Variants in ITCH observed in about 807,000 individuals in gnomAD.
ITCH encodes the protein E3 ubiquitin-protein ligase Itchy homolog.
ITCH carries 28 observed loss-of-function variants against 126.8 expected under a neutral mutation model. The ratio of observed to expected loss-of-function variants is 0.22; its 90% CI spans 0.16 to 0.30. The LOEUF (loss-of-function observed/expected upper bound fraction) is 0.30, where lower values mean the gene tolerates loss of function less well. Among genes scored for constraint, ITCH ranks in the 10% least tolerant of loss-of-function variants. The pLI, the probability that ITCH is intolerant of heterozygous loss-of-function variation, is 1.00. For missense variants in ITCH, 631 were observed against 1,032.4 expected, an observed-to-expected ratio of 0.61 and a Z score of 5.33; for synonymous variants, 342 against 340.0, an observed-to-expected ratio of 1.01 and a Z score of -0.06.
intron 6 of ITCH, among the ~76,000 whole-genome samples, chr20:34,420,482 T>C (rs913626564): frequency 3.3e-5 from 5 of 152,256 alleles, no homozygotes; most frequent in African/African-American, 1.2e-4. Context: ...CATTCATTCA[T>C]TGATAGACAT....
intron 3 of ITCH, among the ~76,000 whole-genome samples, chr20:34,403,405 A>T (rs927153880): frequency 1.4e-4 from 22 of 151,950 alleles, no homozygotes; most frequent in African/African-American, 3.1e-4. Flanking sequence ...GGTATGTGTG[A>T]GAGAGAGAGA....
intron 2 of ITCH, among the ~76,000 whole-genome samples, chr20:34,386,803 A>G (rs1355751802): frequency 1.3e-5 from 2 of 152,214 alleles, no homozygotes; most frequent in African/African-American, 4.8e-5. Context: ...AAATAAGGCT[A>G]TAAATGTTTG....
At chr20:34,472,613 G>A (rs1416645602) in intron 16 of ITCH, among the ~76,000 whole-genome samples, 2 of 152,208 alleles carry the variant, frequency 1.3e-5, no homozygotes, top group Non-Finnish European at 2.9e-5. Flanking sequence ...GCTTCAAGAA[G>A]TACGGAATTG....
At chr20:34,385,604 G>A (rs1357497625) in intron 2 of ITCH, among the ~76,000 whole-genome samples, 1 of 152,094 alleles carries the variant, frequency 6.6e-6, no homozygotes, top group Non-Finnish European at 1.5e-5. Context: ...TCACCTTCTG[G>A]AATATTAGGT....
chr20:34,415,377 AAC>A (rs1486813883), intron 6 of ITCH, among the ~76,000 whole-genome samples: 11 of 151,454 alleles, frequency 7.3e-5, no homozygotes, highest in Admixed American at 3.3e-4. Flanking sequence ...TAGGCAACAT[AAC>A]AAAACCCCAT....
chr20:34,474,515 G>T (rs1376515324), intron 16 of ITCH, among the ~76,000 whole-genome samples: 3 of 152,214 alleles, frequency 2.0e-5, no homozygotes, highest in East Asian at 1.9e-4. Context: ...CAAGGCAGAA[G>T]AATTATTCTT....
intron 3 of ITCH, among the ~76,000 whole-genome samples, chr20:34,395,810 G>GT (rs2038654509): frequency 6.6e-6 from 1 of 151,964 alleles, no homozygotes; most frequent in African/African-American, 2.4e-5. Flanking sequence ...ATATTTTATT[G>GT]TATGAGTATA....
chr20:34,469,501 G>T (rs1254439147), intron 14 of ITCH, among the ~76,000 whole-genome samples: 1 of 151,940 alleles, frequency 6.6e-6, no homozygotes, highest in African/African-American at 2.4e-5. Flanking sequence ...TGTTGGTCAG[G>T]CTGGTCTCAA....
At chr20:34,408,619 C>A in intron 3 of ITCH, 32 bp from the exon 4 acceptor site, 2 of 1,560,672 alleles carry the variant, frequency 1.3e-6, no homozygotes, top group South Asian at 1.1e-5. Context: ...AACATCTCAA[C>A]TATTGAAATG....
intron 6 of ITCH, among the ~76,000 whole-genome samples, chr20:34,421,246 C>T (rs553218357): frequency 6.6e-6 from 1 of 152,282 alleles, no homozygotes; most frequent in Admixed American, 6.5e-5. Context: ...TTTTGAGTAG[C>T]TGGGACTTCA....
intron 23 of ITCH, among the ~76,000 whole-genome samples, chr20:34,497,701 C>T (rs1001339370): frequency 6.6e-6 from 1 of 152,232 alleles, no homozygotes; most frequent in Non-Finnish European, 1.5e-5. Context: ...GCCTCAGCCT[C>T]CCAAGTAGCT....
At position 34,480,592 on chromosome 20, in the gene ITCH, T is replaced by C. The variant is rs556683677; in HGVS notation, c.1819-7T>C. ...ATTTTAAGCGGTCTTGTTTCCTTTT[T>C]TCATAGGCTCTGTTCCATGGGAAAT... On this transcript the variant is annotated splice_polypyrimidine_tract_variant and splice_region_variant and intron_variant, in intron 18 of 24. Coordinates refer to ENST00000374864, the MANE Select transcript of ITCH (RefSeq NM_031483.7). The C allele has an allele frequency of 1.9e-5, 31 of 1,613,710 alleles. No individual in the cohort carries two copies. The African/African-American group carries it at 4.0e-4, about 21-fold the overall frequency.
At chr20:34,476,383 C>T (rs1326997940) in intron 16 of ITCH, 75 of 1,279,176 alleles carry the variant, frequency 5.9e-5, no homozygotes, top group Non-Finnish European at 7.0e-5. Flanking sequence ...GGCTCCAGCG[C>T]GGGACCCGGC....
At chr20:34,482,668 T>C (rs1353532021) in intron 20 of ITCH, among the ~76,000 whole-genome samples, 2 of 152,036 alleles carry the variant, frequency 1.3e-5, no homozygotes, top group Admixed American at 6.5e-5. Flanking sequence ...TGGCGTTGAG[T>C]GTCTATGGCT....
Position 34,403,493 on chromosome 20 carries a change from CT to C in ITCH, c.71-5154del, listed in dbSNP as rs1009220567. Among the ~76,000 whole-genome samples, 40 of 152,232 alleles carry C rather than the reference CT, an allele frequency of 2.6e-4. No individual in the cohort carries two copies. In the Middle Eastern group the frequency reaches 0.014, roughly 52 times the overall value. ...AGACAGAGACTAGAAAGCAGGGAAA[CT>C]TTTGTTTTCTACCATGACTAATAAC... is the stretch of plus-strand genomic sequence containing the variant. On this transcript the variant is annotated intron_variant, in intron 3 of 24. Coordinates refer to ENST00000374864, the MANE Select transcript of ITCH (RefSeq NM_031483.7).
rs766038122 is a variant in ITCH, at chr20:34,479,715, C to T, written c.1744C>T (p.Gln582Ter). Residue 582 changes from glutamine to a stop codon, truncating the protein, a stop_gained, in exon 18 of 25, where the codon CAG (glutamine) becomes TAG (stop). Transcript: ENST00000374864. LOFTEE classifies it high-confidence loss of function. ...TGCAGGGAAGGATAACTACTGCTTG[C>T]AGATAAACCCCGCTTCTTACATCAA... ...EYAGKDNYCL[Q>*]INPASYINPD... is the part of the protein sequence containing the mutation. 6.2e-7 allele frequency: 1 copy of T among 1,613,854 alleles called. No homozygotes were observed. The highest frequency in any genetic ancestry group is 1.1e-5 in the South Asian group (1 of 91,084).
intron 3 of ITCH, among the ~76,000 whole-genome samples, chr20:34,406,811 G>A (rs1168266044): frequency 6.6e-6 from 1 of 152,194 alleles, no homozygotes; most frequent in Non-Finnish European, 1.5e-5. Context: ...TGGGATTACA[G>A]GCGTGAGCCA....
At chr20:34,417,967 C>CTT (rs796201494) in intron 6 of ITCH, among the ~76,000 whole-genome samples, 5 of 137,398 alleles carry the variant, frequency 3.6e-5, no homozygotes, top group Admixed American at 1.5e-4. Context: ...TTACTTTCAA[C>CTT]TTTTTTTTTT....
At chr20:34,501,032 C>T (rs1313609443) in intron 23 of ITCH, among the ~76,000 whole-genome samples, 1 of 152,126 alleles carries the variant, frequency 6.6e-6, no homozygotes, top group Non-Finnish European at 1.5e-5. Context: ...TCTTGGCTGC[C>T]AATTTTTTTC....
Sources: gnomAD v4.1 joint callset for allele counts (sites outside exome capture counted in the v4.1 genomes callset) on GRCh38, gnomAD v4.1.1 for gene constraint, MANE v1.5 for transcripts, NCBI Gene and HGNC (gene_info 2026-07-23, HGNC 2026-07-21) for gene names.